Variants in ADAM10 observed in about 807,000 individuals in gnomAD.
ADAM10 encodes the protein ADAM metallopeptidase domain 10, also known as disintegrin and metalloproteinase domain-containing protein 10.
In ADAM10, 17 loss-of-function variants were observed where a neutral mutation model predicts 90.1. That is an observed-to-expected ratio of 0.19 (90% confidence interval 0.13 to 0.28). The LOEUF is 0.28. Among genes scored for constraint, ADAM10 ranks in the 10% least tolerant of loss-of-function variants. ADAM10 has a pLI of 1.00. For missense variants in ADAM10, 610 were observed against 914.3 expected (o/e 0.67, Z 4.29); for synonymous variants, 310 against 298.6 (o/e 1.04, Z -0.40).
chr15:58,706,171 G>C (rs1418557813), intron 2 of ADAM10, among the ~76,000 whole-genome samples: 1 of 152,156 alleles, frequency 6.6e-6, no homozygotes, highest in Non-Finnish European at 1.5e-5. Context: ...TTTAACTGAA[G>C]TCATAATGGG....
intron 4 of ADAM10, among the ~76,000 whole-genome samples, chr15:58,665,774 A>C (rs1334803921): frequency 1.3e-5 from 2 of 151,988 alleles, no homozygotes; most frequent in Admixed American, 1.3e-4. Context: ...TATTACAGGC[A>C]TTTGTTGTCA....
intron 10 of ADAM10, among the ~76,000 whole-genome samples, chr15:58,627,394 T>G (rs1428342228): frequency 1.3e-5 from 2 of 152,158 alleles, no homozygotes; most frequent in African/African-American, 4.8e-5. Flanking sequence ...CACTTAAAAT[T>G]TGTGCATTTC....
chr15:58,607,185 T>A (rs1273109127), intron 14 of ADAM10, among the ~76,000 whole-genome samples: 2 of 152,274 alleles, frequency 1.3e-5, no homozygotes, highest in African/African-American at 4.8e-5. Flanking sequence ...GAGTGGTTCT[T>A]AACCCTGGCT....
chr15:58,658,587 G>C (rs1896888817), intron 5 of ADAM10, among the ~76,000 whole-genome samples: 1 of 151,906 alleles, frequency 6.6e-6, no homozygotes. Flanking sequence ...AACAATTTGG[G>C]GAGAACTGAC....
chr15:58,653,694 C>G (rs1896742894), intron 5 of ADAM10, among the ~76,000 whole-genome samples: 1 of 152,002 alleles, frequency 6.6e-6, no homozygotes, highest in Non-Finnish European at 1.5e-5. Context: ...CTGCCTTTAT[C>G]TGCTTTTGGT....
chr15:58,671,917 G>A lies in ADAM10; in HGVS notation c.485-6720C>T, dbSNP rs138104528. ...CAGAATGTAACAGAAATAAAGCACT[G>A]GAGTGGCAGCCAAAAGACATGGATC... On this transcript the variant is annotated intron_variant, in intron 4 of 15. Transcript: ENST00000260408. Among the ~76,000 whole-genome samples the A allele has an allele frequency of 3.8e-3, 573 of 151,930 alleles. 3 individuals are homozygous for A. The highest frequency in any genetic ancestry group is 0.013 in the African/African-American group (520 of 41,424).
intron 1 of ADAM10, among the ~76,000 whole-genome samples, chr15:58,735,373 A>T (rs1233055074): frequency 6.6e-6 from 1 of 152,224 alleles, no homozygotes; most frequent in African/African-American, 2.4e-5. Flanking sequence ...GCCAATCTTA[A>T]TTCCTAATTT....
At chr15:58,696,180 T>C (rs1212376827) in intron 2 of ADAM10, among the ~76,000 whole-genome samples, 1 of 151,714 alleles carries the variant, frequency 6.6e-6, no homozygotes, top group African/African-American at 2.4e-5. Flanking sequence ...TCCCAGCACT[T>C]CGAGAGGCTA....
Position 58,597,641 on chromosome 15 carries a change from C to T in ADAM10, c.2153G>A (p.Gly718Asp), listed in dbSNP as rs1894995146. 1 of 1,613,746 alleles carries T rather than the reference C, an allele frequency of 6.2e-7. No homozygotes were observed. Among genetic ancestry groups the T allele is most frequent in the Non-Finnish European group, 8.5e-7 (1 of 1,179,922 alleles). The change falls in exon 16 of 16, where the codon GGC (glycine) becomes GAC (aspartate). Residue 718 changes from glycine to aspartate, a missense_variant and splice_region_variant. This residue lies in a region of ADAM10 where 150 missense variants were observed against 268.5 expected (regional missense o/e 0.56). Transcript: ENST00000260408. ...PKLPPPKPLP[G>D]TLKRRRPPQP... ...TGGAGGTCTCCTCCTCTTTAAAGTG[C>T]CTGTGAGCCACAAATAAAAGCAAAG...
At chr15:58,686,361 TAATAAA>T in intron 2 of ADAM10, 1 of 756,456 alleles carries the variant, frequency 1.3e-6, no homozygotes, top group East Asian at 2.7e-5. Flanking sequence ...AAACCTATCC[TAATAAA>T]GCTTAAAAAC....
intron 7 of ADAM10, among the ~76,000 whole-genome samples, chr15:58,643,228 A>G (rs1596021384): frequency 6.6e-6 from 1 of 152,144 alleles, no homozygotes; most frequent in East Asian, 1.9e-4. Flanking sequence ...ATTAGAACTC[A>G]TACTACGTGA....
At chr15:58,734,745 T>C (rs1466481182) in intron 1 of ADAM10, among the ~76,000 whole-genome samples, 3 of 149,736 alleles carry the variant, frequency 2.0e-5, no homozygotes, top group Non-Finnish European at 4.5e-5. Flanking sequence ...ATTATCAAAA[T>C]ACAGCACATG....
Position 58,610,524 on chromosome 15 carries a change from A to G in ADAM10, c.1805-7T>C, listed in dbSNP as rs1325329010. ...GCACAAGTTGATGGGTCCACTGGAA[A>G]AGAAATGCCAAATATAAGCTGAAGG... On this transcript the variant is annotated splice_region_variant and splice_polypyrimidine_tract_variant and intron_variant, in intron 13 of 15. Transcript: ENST00000260408. 6.2e-7 allele frequency: 1 copy of G among 1,611,782 alleles called. No homozygotes were observed. The highest frequency in any genetic ancestry group is 1.7e-5 in the Admixed American group (1 of 59,998).
chr15:58,693,132 G>A (rs759192347), intron 2 of ADAM10: 1 of 737,406 alleles, frequency 1.4e-6, no homozygotes, highest in South Asian at 1.3e-5. Context: ...ACATGAGTTG[G>A]GCAATTTCTG....
Position 58,639,996 on chromosome 15 carries a change from T to A in ADAM10, c.1012+781A>T, listed in dbSNP as rs1156616071. On this transcript the variant is annotated intron_variant, in intron 8 of 15. Transcript: ENST00000260408. ...ATTAAACTCTACTTGGCACAATTTA[T>A]ATTCAAAGAGCCTGGGGTCCTTTCC... Among the ~76,000 whole-genome samples, 3 of 152,182 alleles carry A rather than the reference T, an allele frequency of 2.0e-5. No individual in the cohort carries two copies. In the East Asian group the frequency reaches 5.8e-4, roughly 29 times the overall value.
intron 1 of ADAM10, among the ~76,000 whole-genome samples, chr15:58,744,835 C>T (rs1899736663): frequency 6.6e-6 from 1 of 152,132 alleles, no homozygotes; most frequent in Non-Finnish European, 1.5e-5. Context: ...CCTAGTGAGA[C>T]CTCATCTCTA....
At chr15:58,678,504 A>G (rs1897346316) in intron 4 of ADAM10, among the ~76,000 whole-genome samples, 1 of 152,194 alleles carries the variant, frequency 6.6e-6, no homozygotes, top group Non-Finnish European at 1.5e-5. Context: ...GTGGTACTTC[A>G]AAGAAGCATT....
chr15:58,621,710 AG>A, intron 10 of ADAM10, 89 bp from the exon 11 acceptor site: 1 of 1,508,488 alleles, frequency 6.6e-7, no homozygotes, highest in Non-Finnish European at 9.1e-7. Context: ...ATCATAACAA[AG>A]GGATAAAGGA....
intron 11 of ADAM10, among the ~76,000 whole-genome samples, chr15:58,613,583 A>G (rs1305143818): frequency 6.6e-6 from 1 of 152,204 alleles, no homozygotes; most frequent in Non-Finnish European, 1.5e-5. Context: ...TGAATGAGAA[A>G]TTCAAAAAAG....
Sources: allele counts gnomAD v4.1 joint callset (sites outside exome capture counted in the v4.1 genomes callset), GRCh38; gene constraint gnomAD v4.1.1; regional missense constraint gnomAD v4.1.1; transcripts MANE v1.5; gene names NCBI Gene and HGNC (gene_info 2026-07-23, HGNC 2026-07-21).